HAUS2: variants seen among roughly 807,000 people sequenced by gnomAD.
HAUS2 encodes the protein HAUS augmin like complex subunit 2, also known as HAUS augmin-like complex subunit 2.
In HAUS2, 20 loss-of-function variants were observed where a neutral mutation model predicts 21.6. The ratio of observed to expected loss-of-function variants is 0.93; its 90% CI spans 0.65 to 1.35. HAUS2 has a LOEUF of 1.35. Ranked by LOEUF, HAUS2 falls within the 40% of genes most tolerant of loss-of-function variation. The pLI is 0.00. For missense variants in HAUS2, 297 were observed against 280.7 expected (o/e 1.06, Z -0.42); for synonymous variants, 113 against 95.6 (o/e 1.18, Z -1.06).
chr15:42,562,986 G>A (rs537292708), intron 4 of HAUS2, among the ~76,000 whole-genome samples: 9 of 152,066 alleles, frequency 5.9e-5, no homozygotes, highest in East Asian at 1.9e-4. Context: ...AGTGGTGCAC[G>A]CCTGTGATCT....
At chr15:42,555,391 G>A (rs932309798) in intron 1 of HAUS2, among the ~76,000 whole-genome samples, 26 of 151,880 alleles carry the variant, frequency 1.7e-4, no homozygotes, top group Non-Finnish European at 3.5e-4. Context: ...TAGCCTTCCA[G>A]AGTGCTGGGA....
chr15:42,549,756 C>CT (rs1405121558), intron 1 of HAUS2, among the ~76,000 whole-genome samples: 2 of 86,988 alleles, frequency 2.3e-5, no homozygotes, highest in East Asian at 7.2e-4. Context: ...GCCTTGGCAT[C>CT]TTTAAAGGCA....
intron 1 of HAUS2, among the ~76,000 whole-genome samples, chr15:42,556,262 T>TTG (rs2057773601): frequency 1.4e-5 from 1 of 69,520 alleles, no homozygotes; most frequent in Non-Finnish European, 2.8e-5. Context: ...GCGCCCAGGC[T>TTG]TTTTTTTTTT....
intron 4 of HAUS2, among the ~76,000 whole-genome samples, chr15:42,561,888 AAATAG>A (rs1444166053): frequency 6.6e-6 from 1 of 152,206 alleles, no homozygotes; most frequent in African/African-American, 2.4e-5. Flanking sequence ...GTTTCCCAAT[AAATAG>A]AATAGAGATG....
chr15:42,558,584 C>A (rs2057813837), intron 2 of HAUS2, among the ~76,000 whole-genome samples: 1 of 151,990 alleles, frequency 6.6e-6, no homozygotes, highest in Non-Finnish European at 1.5e-5. Context: ...GCCTCGGCCT[C>A]CCAAAGTGCT....
chr15:42,562,870 A>G (rs2057865286), intron 4 of HAUS2, among the ~76,000 whole-genome samples: 1 of 152,220 alleles, frequency 6.6e-6, no homozygotes. Flanking sequence ...GTAATTTGGG[A>G]GGCCAAGATG....
chr15:42,555,233 A>G (rs923721968), intron 1 of HAUS2, among the ~76,000 whole-genome samples: 12 of 150,168 alleles, frequency 8.0e-5, no homozygotes, highest in Admixed American at 1.3e-4. Context: ...TGATCTGCCC[A>G]CCTCGGCCTC....
At chr15:42,558,329 T>TG in intron 2 of HAUS2, 39 bp downstream of exon 2, 2 of 795,862 alleles carry the variant, frequency 2.5e-6, no homozygotes, top group East Asian at 2.6e-5. Context: ...TTTTTTTTTT[T>TG]TTTTTTTTTG....
chr15:42,557,094 C>G (rs1057164300), intron 1 of HAUS2, among the ~76,000 whole-genome samples: 1 of 149,976 alleles, frequency 6.7e-6, no homozygotes, highest in Non-Finnish European at 1.5e-5. Context: ...GTGGGCAGAT[C>G]ATGAGGTCAG....
At chr15:42,558,560 C>T (rs1236093155) in intron 2 of HAUS2, among the ~76,000 whole-genome samples, 1 of 151,926 alleles carries the variant, frequency 6.6e-6, no homozygotes, top group African/African-American at 2.4e-5. Context: ...ATCTCCTGAC[C>T]CCATGATCTG....
At position 42,567,071 on chromosome 15, in the gene HAUS2, C is replaced by A; in HGVS notation, c.*255C>A. The A allele has an allele frequency of 9.9e-6, 3 of 302,810 alleles. No homozygotes were observed. Among genetic ancestry groups the A allele is most frequent in the Non-Finnish European group, 1.9e-5 (3 of 161,796 alleles). 18.8% of individuals were successfully genotyped at this position (302,810 alleles called of 1,614,324 possible). A position where few individuals can be genotyped will look rare whatever the true frequency, so the allele number is the denominator to read the frequency against. Reference sequence around the variant, plus strand: ...CAATTTATTAATATAAGTGAATTAACCATTTCTCAGGTGGGAAATTCTCTT... The same window carrying A: ...CAATTTATTAATATAAGTGAATTAAACATTTCTCAGGTGGGAAATTCTCTT... On this transcript the variant is annotated 3_prime_UTR_variant, in exon 6 of 6. Coordinates refer to ENST00000260372, the MANE Select transcript of HAUS2 (RefSeq NM_018097.3).
Position 42,568,790 on chromosome 15 carries a change from A to T in HAUS2, c.*1974A>T, listed in dbSNP as rs1224065454. On this transcript the variant is annotated 3_prime_UTR_variant, in exon 6 of 6. Transcript: ENST00000260372. ...ACAATTCAGTTGCTGGTGGAATGAA[A>T]CAACAGATATGTGTGACTCCACTGT... 1 of 152,216 alleles carries T rather than the reference A, an allele frequency of 6.6e-6. No individual in the cohort carries two copies. The highest frequency in any genetic ancestry group is 1.9e-4 in the East Asian group (1 of 5,202). 9.4% of individuals were successfully genotyped at this position (152,216 alleles called of 1,614,324 possible). A position where few individuals can be genotyped will look rare whatever the true frequency, so the allele number is the denominator to read the frequency against.
chr15:42,563,000 C>T (rs905360379), intron 4 of HAUS2, among the ~76,000 whole-genome samples: 1 of 151,904 alleles, frequency 6.6e-6, no homozygotes, highest in African/African-American at 2.4e-5. Context: ...GTGATCTCAG[C>T]TACTCAGGAG....
intron 3 of HAUS2, among the ~76,000 whole-genome samples, chr15:42,560,459 C>T (rs1485892596): frequency 6.6e-6 from 1 of 151,898 alleles, no homozygotes; most frequent in Non-Finnish European, 1.5e-5. Context: ...TGTTAATAAT[C>T]GGTGAATAAG....
intron 1 of HAUS2, among the ~76,000 whole-genome samples, chr15:42,553,473 T>C (rs554914309): frequency 1.4e-4 from 18 of 130,920 alleles, no homozygotes; most frequent in Non-Finnish European, 2.9e-4. Context: ...TCCCTGATAC[T>C]TTTTTCTTTT....
Position 42,563,785 on chromosome 15 carries a change from C to T in HAUS2, c.426C>T (p.Phe142=), listed in dbSNP as rs1473694637. The part of the protein sequence containing the change: ...MVHLLELAVT[F]IERLETHLET... ...ATTTGCTGGAGTTGGCTGTGACTTT[C>T]ATTGAGAGATTAGAAACCCACCTTG... Residue 142 remains phenylalanine (F), a synonymous_variant, in exon 5 of 6, where the codon TTC becomes TTT. Transcript: ENST00000260372. 10 of 1,580,358 alleles carry T rather than the reference C, an allele frequency of 6.3e-6. No individual in the cohort carries two copies. In the African/African-American group the frequency reaches 1.4e-4, roughly 21 times the overall value.
At chr15:42,565,603 C>G (rs1295369367) in intron 5 of HAUS2, among the ~76,000 whole-genome samples, 1 of 151,972 alleles carries the variant, frequency 6.6e-6, no homozygotes, top group Non-Finnish European at 1.5e-5. Context: ...ATCATGCACC[C>G]TAGAACTTCA....
chr15:42,558,884 G>C (rs796996002), intron 2 of HAUS2, among the ~76,000 whole-genome samples: 2 of 152,064 alleles, frequency 1.3e-5, no homozygotes, highest in African/African-American at 4.8e-5. Context: ...CTTGAGCCTA[G>C]GAAATCGGGG....
intron 1 of HAUS2, among the ~76,000 whole-genome samples, chr15:42,557,519 A>AAATTG (rs2057800335): frequency 8.1e-6 from 1 of 122,984 alleles, no homozygotes; most frequent in Admixed American, 8.3e-5. Context: ...TATATTATAT[A>AAATTG]TATATGAAGT....
Sources: allele counts gnomAD v4.1 joint callset (sites outside exome capture counted in the v4.1 genomes callset), GRCh38; gene constraint gnomAD v4.1.1; transcripts MANE v1.5; gene names NCBI Gene and HGNC (gene_info 2026-07-23, HGNC 2026-07-21).